The following PACSIN1 variants were observed in gnomAD, a reference collection of about 807,000 sequenced individuals.
PACSIN1 encodes protein kinase C and casein kinase substrate in neurons protein 1.
A neutral mutation model predicts 59.5 loss-of-function variants in PACSIN1; 15 were observed. That is an observed-to-expected ratio of 0.25 (90% confidence interval 0.17 to 0.39). PACSIN1 has a LOEUF of 0.39. Ranked by LOEUF, PACSIN1 falls within the 10% of genes least tolerant of loss-of-function variation. The pLI is 1.00. For synonymous variants in PACSIN1, 210 were observed against 220.6 expected (o/e 0.95, Z 0.42); for missense variants, 420 against 580.2 (o/e 0.72, Z 2.84).
intron 1 of PACSIN1, among the ~76,000 whole-genome samples, chr6:34,487,851 C>T (rs2127250740): frequency 6.6e-6 from 1 of 152,320 alleles, no homozygotes; most frequent in East Asian, 1.9e-4. Flanking sequence ...TCAAAAGTGA[C>T]CTCACCCTGG....
At chr6:34,519,641 G>A (rs1767353989) in intron 1 of PACSIN1, among the ~76,000 whole-genome samples, 1 of 152,106 alleles carries the variant, frequency 6.6e-6, no homozygotes, top group African/African-American at 2.4e-5. Flanking sequence ...TAATACTGCA[G>A]GTGAACTCTG....
rs546750621 is a variant in PACSIN1, at chr6:34,514,530, G to T, written c.-63-11713G>T. ...TAGATTTTAAGGACCCAAGCAAAGT[G>T]CATGGAAAGGTGCAGCTGTCTGGAA... On this transcript the variant is annotated intron_variant, in intron 1 of 9. Coordinates refer to ENST00000244458, the MANE Select transcript of PACSIN1 (RefSeq NM_020804.5). The surrounding 1 kb of genome is among the most constrained non-coding windows in gnomAD (Gnocchi z 4.4). Among the ~76,000 whole-genome samples, 1 of 152,268 alleles carries T rather than the reference G, an allele frequency of 6.6e-6. No homozygotes were observed. Among genetic ancestry groups the T allele is most frequent in the African/African-American group, 2.4e-5 (1 of 41,550 alleles).
At chr6:34,517,534 C>T (rs1466538611) in intron 1 of PACSIN1, among the ~76,000 whole-genome samples, 2 of 151,608 alleles carry the variant, frequency 1.3e-5, no homozygotes, top group Non-Finnish European at 2.9e-5. Flanking sequence ...CCCTCATCTG[C>T]GCAGGCCACA....
chr6:34,479,149 T>C (rs1007579275), intron 1 of PACSIN1, among the ~76,000 whole-genome samples: 3 of 152,168 alleles, frequency 2.0e-5, no homozygotes, highest in African/African-American at 7.2e-5. Context: ...CACAGCCACA[T>C]TGGGAATCAG....
intron 1 of PACSIN1, among the ~76,000 whole-genome samples, chr6:34,466,961 C>T (rs1164468247): frequency 6.6e-6 from 1 of 152,148 alleles, no homozygotes; most frequent in Non-Finnish European, 1.5e-5. Flanking sequence ...GTGTAGGAGA[C>T]ATGGTGGCAA....
At chr6:34,524,493 C>G (rs1315427681) in intron 1 of PACSIN1, among the ~76,000 whole-genome samples, 1 of 152,186 alleles carries the variant, frequency 6.6e-6, no homozygotes, top group East Asian at 1.9e-4. Flanking sequence ...CCAAAACACT[C>G]CCTACTTATG....
intron 1 of PACSIN1, among the ~76,000 whole-genome samples, chr6:34,473,526 C>T (rs1018245285): frequency 1.3e-5 from 2 of 152,124 alleles, no homozygotes; most frequent in African/African-American, 4.8e-5. Flanking sequence ...TGAGGTCACA[C>T]ATTTCATCAC....
At position 34,530,720 on chromosome 6, in the gene PACSIN1, T is replaced by G; in HGVS notation, c.1037+133T>G. ...CTCCTCTCTAAAAGATAGTGGTAGT[T>G]CATCACTCTAAAGCAGCCGTCCCCA... On this transcript the variant is annotated intron_variant, in intron 8 of 9. Coordinates refer to ENST00000244458, the MANE Select transcript of PACSIN1 (RefSeq NM_020804.5). The surrounding 1 kb of genome is among the most constrained non-coding windows in gnomAD (Gnocchi z 4.4). 9.9e-7 allele frequency: 1 copy of G among 1,005,220 alleles called. No homozygotes were observed. Among genetic ancestry groups the G allele is most frequent in the Non-Finnish European group, 1.3e-6 (1 of 746,904 alleles). The allele number at this position is 1,005,220 out of a possible 1,614,324, so 62.3% of individuals were successfully genotyped here.
rs763568480 is a variant in PACSIN1, at chr6:34,528,839, C to T, written c.418C>T (p.Arg140Cys). Residue 140 changes from arginine (R) to cysteine (C), a missense_variant, in exon 4 of 10, where the codon CGC becomes TGC. Coordinates refer to ENST00000244458, the MANE Select transcript of PACSIN1 (RefSeq NM_020804.5). ...KETKEAEDGFRKAQKPWAKKM... is the reference protein window; with the variant it reads ...KETKEAEDGFCKAQKPWAKKM... ...GACGAAGGAGGCTGAAGATGGCTTCCGCAAGGCCCAGAAGCCTTGGGCCAA... is the reference window on the plus strand; with the variant it reads ...GACGAAGGAGGCTGAAGATGGCTTCTGCAAGGCCCAGAAGCCTTGGGCCAA... 3.1e-6 allele frequency: 5 copies of T among 1,611,838 alleles called. No homozygotes were observed. Among genetic ancestry groups the T allele is most frequent in the Non-Finnish European group, 3.4e-6 (4 of 1,179,618 alleles).
rs1767335732 is a variant in PACSIN1 at position 34,518,677 on chromosome 6, A to G, written c.-63-7566A>G. On this transcript the variant is annotated intron_variant, in intron 1 of 9. Transcript: ENST00000244458. The surrounding 1 kb of genome is among the most constrained non-coding windows in gnomAD (Gnocchi z 4.4). ...GGGGTTTTGAACACACCTTTGACTC[A>G]GTCCAGGAGGGCAGGGGAGCTGGGG... 6.6e-6 allele frequency among the ~76,000 whole-genome samples: 1 copy of G among 152,250 alleles called. No individual in the cohort carries two copies. Among genetic ancestry groups the G allele is most frequent in the South Asian group, 2.1e-4 (1 of 4,838 alleles).
intron 1 of PACSIN1, among the ~76,000 whole-genome samples, chr6:34,473,325 A>G (rs1056037539): frequency 1.6e-4 from 24 of 152,156 alleles, no homozygotes; most frequent in African/African-American, 5.8e-4. Flanking sequence ...GGAAATCAGC[A>G]TAGGAACACG....
chr6:34,479,386 A>G (rs1193238428), intron 1 of PACSIN1, among the ~76,000 whole-genome samples: 1 of 152,042 alleles, frequency 6.6e-6, no homozygotes, highest in East Asian at 1.9e-4. Flanking sequence ...TGGTTTTACC[A>G]TGTAAATATG....
At chr6:34,491,252 TTG>T (rs1170648180) in intron 1 of PACSIN1, among the ~76,000 whole-genome samples, 1 of 152,164 alleles carries the variant, frequency 6.6e-6, no homozygotes, top group African/African-American at 2.4e-5. Context: ...CAGCCTTGCG[TTG>T]TCTTTCTCTA....
At chr6:34,508,818 CCTT>C (rs1767154959) in intron 1 of PACSIN1, among the ~76,000 whole-genome samples, 1 of 152,070 alleles carries the variant, frequency 6.6e-6, no homozygotes, top group South Asian at 2.1e-4. Context: ...CATTTGTATG[CCTT>C]CTTTGGAGAA....
At chr6:34,528,146 G>A (rs1356240645) in intron 3 of PACSIN1, among the ~76,000 whole-genome samples, 2 of 152,236 alleles carry the variant, frequency 1.3e-5, no homozygotes, top group African/African-American at 4.8e-5. Flanking sequence ...CAGGGGCTGG[G>A]CCTGCACCAC....
chr6:34,512,640 G>T (rs1422217952), intron 1 of PACSIN1, among the ~76,000 whole-genome samples: 1 of 152,220 alleles, frequency 6.6e-6, no homozygotes, highest in Non-Finnish European at 1.5e-5. Context: ...CTGGCCCAAG[G>T]AACGCAAGGC....
At chr6:34,491,122 C>G (rs2127252686) in intron 1 of PACSIN1, among the ~76,000 whole-genome samples, 1 of 152,242 alleles carries the variant, frequency 6.6e-6, no homozygotes, top group East Asian at 1.9e-4. Flanking sequence ...CCCCTCATAA[C>G]TGCGCCCTGG....
At chr6:34,509,106 T>C (rs1040369441) in intron 1 of PACSIN1, among the ~76,000 whole-genome samples, 2 of 152,220 alleles carry the variant, frequency 1.3e-5, no homozygotes, top group Non-Finnish European at 2.9e-5. Flanking sequence ...TGTCCTGAAG[T>C]TTTTCCCTAT....
Position 34,521,966 on chromosome 6 carries a change from A to G in PACSIN1, c.-63-4277A>G. On this transcript the variant is annotated intron_variant, in intron 1 of 9. Transcript: ENST00000244458. The surrounding 1 kb of genome is among the most constrained non-coding windows in gnomAD (Gnocchi z 4.3). The stretch of plus-strand genomic sequence containing the variant: ...GGGATGTAATCCTACTCTGCGCTGC[A>G]CAGGCCCCAGGGTCAAGTCCTTACT... Among the ~76,000 whole-genome samples, 1 of 152,218 alleles carries G rather than the reference A, an allele frequency of 6.6e-6. No homozygotes were observed. The highest frequency in any genetic ancestry group is 2.1e-4 in the South Asian group (1 of 4,836).
Sources: allele counts gnomAD v4.1 joint callset (sites outside exome capture counted in the v4.1 genomes callset), GRCh38; gene constraint gnomAD v4.1.1; non-coding constraint Gnocchi (gnomAD v3.1); transcripts MANE v1.5; gene names NCBI Gene and HGNC (gene_info 2026-07-23, HGNC 2026-07-21).